GCNT2: variants seen among roughly 807,000 people sequenced by gnomAD.
The protein encoded by GCNT2 is glucosaminyl (N-acetyl) transferase 2 (I blood group).
In GCNT2, 34 loss-of-function variants were observed where a neutral mutation model predicts 34.2. That is an observed-to-expected ratio of 1.00 (90% CI 0.76 to 1.32). The LOEUF is 1.32. Ranked by LOEUF, GCNT2 falls within the 40% of genes most tolerant of loss-of-function variation. The pLI is 0.00. For missense variants in GCNT2, 584 were observed against 489.4 expected (o/e 1.19, Z -1.82); for synonymous variants, 212 against 188.0 (o/e 1.13, Z -1.04).
At chr6:10,573,318 AG>A in intron 3 of GCNT2, 3 of 978,862 alleles carry the variant, frequency 3.1e-6, no homozygotes, top group Non-Finnish European at 3.6e-6. Context: ...AACAGAATAT[AG>A]TCAAAGATAA....
intron 2 of GCNT2, among the ~76,000 whole-genome samples, chr6:10,527,997 A>G (rs534420486): frequency 2.6e-5 from 4 of 152,108 alleles, no homozygotes; most frequent in African/African-American, 9.7e-5. Context: ...TCTGCATCCT[A>G]TGCGGACCAG....
At chr6:10,617,750 C>CTTCTTT (rs1765849390) in intron 3 of GCNT2, among the ~76,000 whole-genome samples, 1 of 101,740 alleles carries the variant, frequency 9.8e-6, no homozygotes, top group African/African-American at 5.0e-5. Flanking sequence ...TGCATTTCTT[C>CTTCTTT]TTTTTTTTTT....
At chr6:10,540,245 A>G (rs970888464) in intron 3 of GCNT2, among the ~76,000 whole-genome samples, 4 of 152,186 alleles carry the variant, frequency 2.6e-5, no homozygotes, top group Non-Finnish European at 5.9e-5. Context: ...GTCTTGTACC[A>G]GGAAGTAGCA....
At chr6:10,553,170 G>A (rs762565414) in intron 3 of GCNT2, among the ~76,000 whole-genome samples, 5 of 152,142 alleles carry the variant, frequency 3.3e-5, no homozygotes, top group African/African-American at 7.2e-5. Context: ...GTGTGCATTC[G>A]TACATGCAAT....
At chr6:10,626,277 T>C in intron 4 of GCNT2, 140 bp from the exon 5 acceptor site, 1 of 715,800 alleles carries the variant, frequency 1.4e-6, no homozygotes, top group East Asian at 2.6e-5. Flanking sequence ...GGGCTGAGAC[T>C]GCACAATCAT....
intron 3 of GCNT2, among the ~76,000 whole-genome samples, chr6:10,546,713 C>G (rs1458939209): frequency 2.0e-5 from 3 of 152,096 alleles, no homozygotes; most frequent in Non-Finnish European, 4.4e-5. Context: ...ATTTAAAGAT[C>G]TCAGTGAGTT....
At chr6:10,605,072 G>A (rs1765249452) in intron 3 of GCNT2, among the ~76,000 whole-genome samples, 1 of 151,838 alleles carries the variant, frequency 6.6e-6, no homozygotes, top group Non-Finnish European at 1.5e-5. Flanking sequence ...CTTGAGCTTA[G>A]GAGGTGAAGG....
At chr6:10,581,629 C>T (rs1764072493) in intron 3 of GCNT2, 1 of 363,370 alleles carries the variant, frequency 2.8e-6, no homozygotes, top group Non-Finnish European at 3.8e-6. Flanking sequence ...CCACTCCCAT[C>T]TGCAGACTGC....
chr6:10,574,819 A>T lies in GCNT2; in HGVS notation c.925+44983A>T, dbSNP rs182973517. On this transcript the variant is annotated intron_variant, in intron 3 of 4. Transcript: ENST00000495262. ...CCCACTGGCTCTCATAAAGTGTGCTACTCTGGGTGGAGCAGGCTGGCGCTT... is the reference window on the plus strand; with the variant it reads ...CCCACTGGCTCTCATAAAGTGTGCTTCTCTGGGTGGAGCAGGCTGGCGCTT... 1.5e-5 allele frequency: 10 copies of T among 645,190 alleles called. No homozygotes were observed. The East Asian group carries it at 2.8e-4, about 18-fold the overall frequency. The allele number at this position is 645,190 out of a possible 1,614,324, so 40.0% of individuals were successfully genotyped here. A position where few individuals can be genotyped will look rare whatever the true frequency, so the allele number is the denominator to read the frequency against.
chr6:10,552,224 G>C (rs1330309824), intron 3 of GCNT2, among the ~76,000 whole-genome samples: 3 of 151,872 alleles, frequency 2.0e-5, no homozygotes, highest in Admixed American at 2.0e-4. Flanking sequence ...TGTTACGGGA[G>C]GATTGTTGTT....
At position 10,557,262 on chromosome 6, in the gene GCNT2, G is replaced by A. The variant is rs753800659; in HGVS notation, c.925+27426G>A. The A allele has an allele frequency of 1.1e-5, 17 of 1,611,400 alleles. No individual in the cohort carries two copies. The Admixed American group carries it at 1.5e-4, about 14-fold the overall frequency. On this transcript the variant is annotated intron_variant, in intron 3 of 4. Transcript: ENST00000495262. ...GCCAACTTTGTTCTGCATGACCCAC[G>A]GGCTGTTGATTTGCTCCAGTGGTCC...
chr6:10,611,943 T>C (rs1208220301), intron 3 of GCNT2, among the ~76,000 whole-genome samples: 3 of 152,112 alleles, frequency 2.0e-5, no homozygotes, highest in African/African-American at 7.2e-5. Context: ...GGTTTATTAA[T>C]AGTATACAAT....
chr6:10,594,382 G>A (rs1670457147), intron 3 of GCNT2, among the ~76,000 whole-genome samples: 1 of 152,214 alleles, frequency 6.6e-6, no homozygotes, highest in Non-Finnish European at 1.5e-5. Context: ...GCATATGGCA[G>A]ACTTCATGAA....
At chr6:10,526,108 G>T (rs1218626399) in intron 1 of GCNT2, among the ~76,000 whole-genome samples, 1 of 152,210 alleles carries the variant, frequency 6.6e-6, no homozygotes, top group Non-Finnish European at 1.5e-5. Context: ...AGAAATTTTA[G>T]TCATTTCAGA....
intron 3 of GCNT2, among the ~76,000 whole-genome samples, chr6:10,582,167 ATAT>A (rs1488234331): frequency 7.5e-6 from 1 of 133,064 alleles, no homozygotes; most frequent in Non-Finnish European, 1.5e-5. Context: ...TGTGTATAAA[ATAT>A]TTTATATAAA....
chr6:10,550,027 T>TA (rs111862943), intron 3 of GCNT2, among the ~76,000 whole-genome samples: 8 of 152,310 alleles, frequency 5.3e-5, no homozygotes, highest in African/African-American at 1.9e-4. Flanking sequence ...TACTATGTAT[T>TA]TCCAAATTAT....
intron 3 of GCNT2, among the ~76,000 whole-genome samples, chr6:10,620,214 C>T (rs1476536613): frequency 6.6e-6 from 1 of 152,132 alleles, no homozygotes; most frequent in Non-Finnish European, 1.5e-5. Context: ...CACAATATAT[C>T]TTATCAGTAA....
chr6:10,549,025 G>A (rs1447257654), intron 3 of GCNT2, among the ~76,000 whole-genome samples: 2 of 152,324 alleles, frequency 1.3e-5, no homozygotes, highest in East Asian at 1.9e-4. Flanking sequence ...CTAAAGTGCT[G>A]GGATTGCAGG....
At chr6:10,548,266 ACAC>A (rs1408693176) in intron 3 of GCNT2, among the ~76,000 whole-genome samples, 8 of 152,200 alleles carry the variant, frequency 5.3e-5, no homozygotes, top group African/African-American at 1.9e-4. Context: ...ATGAAAGTGA[ACAC>A]CACAGTTCTC....
Sources: allele counts gnomAD v4.1 joint callset (sites outside exome capture counted in the v4.1 genomes callset), GRCh38; gene constraint gnomAD v4.1.1; transcripts MANE v1.5; gene names NCBI Gene and HGNC (gene_info 2026-07-23, HGNC 2026-07-21).